NLGN1: variants seen among roughly 807,000 people sequenced by gnomAD.
NLGN1 encodes neuroligin-1.
A neutral mutation model predicts 65.5 loss-of-function variants in NLGN1; 12 were observed. That is an observed-to-expected ratio of 0.18 (90% CI 0.12 to 0.30). The LOEUF is 0.30. Among genes scored for constraint, NLGN1 ranks in the 10% least tolerant of loss-of-function variants. NLGN1 has a pLI of 1.00. For synonymous variants in NLGN1, 350 were observed against 359.5 expected, an observed-to-expected ratio of 0.97 and a Z score of 0.30; for missense variants, 750 against 1,007.1, an observed-to-expected ratio of 0.74 and a Z score of 3.46.
At chr3:174,244,288 T>C (rs1246764071) in intron 4 of NLGN1, among the ~76,000 whole-genome samples, 1 of 152,206 alleles carries the variant, frequency 6.6e-6, no homozygotes, top group Non-Finnish European at 1.5e-5. Context: ...ATAACCTTCC[T>C]GTTTAATTTG....
At chr3:173,588,143 G>T (rs560165245) in intron 2 of NLGN1, among the ~76,000 whole-genome samples, 1 of 152,200 alleles carries the variant, frequency 6.6e-6, no homozygotes, top group East Asian at 1.9e-4. Flanking sequence ...TATTGAATTT[G>T]CCAAGCATTG....
chr3:174,086,005 T>A (rs1743156838), intron 4 of NLGN1, among the ~76,000 whole-genome samples: 1 of 151,932 alleles, frequency 6.6e-6, no homozygotes, highest in Non-Finnish European at 1.5e-5. Flanking sequence ...TTAACAAATT[T>A]TTGGATAAAA....
rs71162369 is a variant in NLGN1, at chr3:173,918,660, A to ATGTG, written c.646+110868_646+110871dup. Among the ~76,000 whole-genome samples, 310 of 111,804 alleles carry ATGTG rather than the reference A, an allele frequency of 2.8e-3. 3 individuals carry two copies. Among genetic ancestry groups the ATGTG allele is most frequent in the South Asian group, 0.019 (54 of 2,862 alleles). The allele number at this position is 111,804 out of a possible 152,430, so 73.3% of individuals were successfully genotyped here. A position where few individuals can be genotyped will look rare whatever the true frequency, so the allele number is the denominator to read the frequency against. ...AAAAAAAAAAAAAAAAGAAATACAT[A>ATGTG]TGTGTGTGTGTGTGTGTGTGTGTGT... On this transcript the variant is annotated intron_variant, in intron 4 of 6. Coordinates refer to ENST00000457714, the Ensembl canonical transcript of NLGN1.
At chr3:173,619,512 G>A (rs1157595843) in intron 3 of NLGN1, among the ~76,000 whole-genome samples, 2 of 152,152 alleles carry the variant, frequency 1.3e-5, no homozygotes, top group African/African-American at 2.4e-5. Flanking sequence ...TATTATAATA[G>A]CTACAATTTG....
chr3:173,487,408 A>C (rs1055810390), intron 2 of NLGN1, among the ~76,000 whole-genome samples: 1 of 151,850 alleles, frequency 6.6e-6, no homozygotes, highest in Non-Finnish European at 1.5e-5. Context: ...ATTCTTGTAG[A>C]TGTTCCATGT....
exon 3 of NLGN1, chr3:173,604,527 C>A (rs569953751): frequency 6.6e-7 from 1 of 1,510,726 alleles, no homozygotes; most frequent in East Asian, 2.3e-5. Flanking sequence ...TACCATTATA[C>A]AGTCTTTCTC....
At chr3:173,734,379 C>CTTTTTTTTTTTTTT (rs1773378211) in intron 3 of NLGN1, among the ~76,000 whole-genome samples, 4 of 59,048 alleles carry the variant, frequency 6.8e-5, no homozygotes, top group Admixed American at 2.2e-4. Context: ...GTGGATAATT[C>CTTTTTTTTTTTTTT]TATTTTTTTT....
chr3:173,951,273 A>C (rs1474902353), intron 4 of NLGN1, among the ~76,000 whole-genome samples: 4 of 152,164 alleles, frequency 2.6e-5, no homozygotes, highest in African/African-American at 9.7e-5. Context: ...GTAGTCTTTC[A>C]GTTTGTTCAA....
intron 4 of NLGN1, among the ~76,000 whole-genome samples, chr3:174,067,829 G>T (rs769540905): frequency 6.6e-5 from 10 of 152,172 alleles, no homozygotes; most frequent in African/African-American, 2.2e-4. Flanking sequence ...TCAAAAGGAC[G>T]TAAATATTAA....
At chr3:173,736,298 C>T (rs913569813) in intron 3 of NLGN1, among the ~76,000 whole-genome samples, 13 of 152,006 alleles carry the variant, frequency 8.6e-5, no homozygotes, top group African/African-American at 2.9e-4. Context: ...GATTTCTGTG[C>T]GTAAGAAAGG....
intron 4 of NLGN1, among the ~76,000 whole-genome samples, chr3:174,139,183 G>C (rs1449763133): frequency 3.3e-5 from 5 of 151,240 alleles, no homozygotes; most frequent in African/African-American, 1.2e-4. Context: ...CTGTGGGTTT[G>C]GACAAATATA....
chr3:173,582,046 AAATAT>A (rs1422088794), intron 2 of NLGN1, among the ~76,000 whole-genome samples: 1 of 152,024 alleles, frequency 6.6e-6, no homozygotes, highest in African/African-American at 2.4e-5. Context: ...GTATGTGATC[AAATAT>A]AATAGATGTA....
intron 3 of NLGN1, among the ~76,000 whole-genome samples, chr3:173,637,823 G>A (rs1756827278): frequency 6.6e-6 from 1 of 152,126 alleles, no homozygotes; most frequent in South Asian, 2.1e-4. Context: ...CGTGCCATAG[G>A]TTACATAGGA....
intron 4 of NLGN1, among the ~76,000 whole-genome samples, chr3:173,889,572 G>A (rs1734958492): frequency 6.6e-6 from 1 of 152,096 alleles, no homozygotes; most frequent in South Asian, 2.1e-4. Flanking sequence ...AAGGGGTTTT[G>A]TTGTTGTTAA....
chr3:173,941,282 T>C (rs143796633), intron 4 of NLGN1, among the ~76,000 whole-genome samples: 2 of 152,202 alleles, frequency 1.3e-5, no homozygotes, highest in Non-Finnish European at 2.9e-5. Flanking sequence ...GAATGGCAGT[T>C]CATTTTCACA....
chr3:173,673,217 A>G (rs747949631), intron 3 of NLGN1, among the ~76,000 whole-genome samples: 1 of 152,240 alleles, frequency 6.6e-6, no homozygotes, highest in Non-Finnish European at 1.5e-5. Context: ...GTAAAGTAGT[A>G]AAATACTAAA....
intron 3 of NLGN1, among the ~76,000 whole-genome samples, chr3:173,756,439 T>G (rs1777132751): frequency 6.6e-6 from 1 of 151,898 alleles, no homozygotes; most frequent in Admixed American, 6.6e-5. Context: ...TATAAAAAAA[T>G]TAAACCTTTT....
At chr3:173,734,050 C>T (rs6793685) in intron 3 of NLGN1, among the ~76,000 whole-genome samples, 9,140 of 151,894 alleles carry the variant, frequency 0.06, 267 homozygotes, top group Middle Eastern at 0.11. Flanking sequence ...GTAGACTTTG[C>T]GGTTATATTT....
chr3:173,530,218 G>T (rs971875778), intron 2 of NLGN1, among the ~76,000 whole-genome samples: 3 of 152,146 alleles, frequency 2.0e-5, no homozygotes, highest in African/African-American at 7.2e-5. Flanking sequence ...GCCTCCCAAA[G>T]TGCTGGGATT....
Sources: gnomAD v4.1 joint callset for allele counts (sites outside exome capture counted in the v4.1 genomes callset) on GRCh38, gnomAD v4.1.1 for gene constraint, MANE v1.5 for transcripts, NCBI Gene and HGNC (gene_info 2026-07-23, HGNC 2026-07-21) for gene names.